HK1: variants seen among roughly 807,000 people sequenced by gnomAD.
The protein encoded by HK1 is hexokinase 1, also known as hexokinase-1.
In HK1, 28 loss-of-function variants were observed where a neutral mutation model predicts 91.6. The ratio of observed to expected loss-of-function variants is 0.31; its 90% CI spans 0.23 to 0.42. HK1 has a LOEUF of 0.42. HK1 is among the 10% of genes least tolerant of loss of function. The pLI is 1.00. For synonymous variants in HK1, 430 were observed against 468.1 expected (o/e 0.92, Z 1.05); for missense variants, 770 against 1,219.8 (o/e 0.63, Z 5.49).
upstream of HK1, chr10:69,315,802 T>G: frequency 2.7e-6 from 2 of 748,696 alleles, no homozygotes; most frequent in Non-Finnish European, 4.9e-6. Context: ...GCATGAGGGG[T>G]TGGGGGTGGG....
intron 4 of HK1, chr10:69,300,620 G>T: frequency 4.2e-6 from 3 of 719,870 alleles, no homozygotes; most frequent in Non-Finnish European, 5.1e-6. Context: ...TGTTTAGACT[G>T]CCTGTGAGGT....
At chr10:69,302,193 G>A (rs1845909561) in intron 5 of HK1, among the ~76,000 whole-genome samples, 1 of 151,272 alleles carries the variant, frequency 6.6e-6, no homozygotes, top group Non-Finnish European at 1.5e-5. Context: ...GTTGCGGTGA[G>A]CTGAGATCAC....
rs149940933 is a variant in HK1 at position 69,288,673 on chromosome 10, G to A, written c.-212G>A. ...CTTTGAACTTGGCCTTTCTCTAGGC[G>A]TTCAAGACCCAGCTGTTGAGAGTAG... On this transcript the variant is annotated splice_region_variant and 5_prime_UTR_variant, in exon 3 of 22. Coordinates refer to the HK1 transcript ENST00000360289. 4.7e-4 allele frequency: 699 copies of A among 1,486,612 alleles called. 3 individuals are homozygous for A. In the African/African-American group the frequency reaches 7.8e-3, roughly 17 times the overall value. 92.1% of individuals were successfully genotyped at this position (1,486,612 alleles called of 1,614,324 possible). A position where few individuals can be genotyped will look rare whatever the true frequency, so the allele number is the denominator to read the frequency against.
intron 1 of HK1, chr10:69,338,763 T>C (rs1269166409): frequency 1.7e-6 from 2 of 1,156,692 alleles, no homozygotes; most frequent in Non-Finnish European, 1.1e-6. Context: ...GTGTGAGAGA[T>C]TGTGTATGTG....
At chr10:69,298,424 G>A (rs181846556) in intron 4 of HK1, among the ~76,000 whole-genome samples, 29 of 151,724 alleles carry the variant, frequency 1.9e-4, no homozygotes, top group Non-Finnish European at 3.2e-4. Context: ...CCAGGGTCTT[G>A]AGAACATCCT....
At chr10:69,345,821 T>C (rs533295009) in intron 2 of HK1, among the ~76,000 whole-genome samples, 1 of 152,316 alleles carries the variant, frequency 6.6e-6, no homozygotes, top group African/African-American at 2.4e-5. Context: ...CCAAGTGCAG[T>C]AGAAATCCAG....
upstream of HK1, among the ~76,000 whole-genome samples, chr10:69,315,029 C>A (rs181776918): frequency 1.9e-3 from 296 of 152,318 alleles, 1 homozygote; most frequent in Non-Finnish European, 3.3e-3. Context: ...CGAGACCAGC[C>A]TGGGCAACAT....
rs189629381 is a variant in HK1 at position 69,367,162 on chromosome 10, G to A, written c.496-1374G>A. Among the ~76,000 whole-genome samples, 28 of 152,300 alleles carry A rather than the reference G, an allele frequency of 1.8e-4. 1 individual carries two copies. The highest frequency in any genetic ancestry group is 6.5e-4 in the African/African-American group (27 of 41,548). On this transcript the variant is annotated intron_variant, in intron 4 of 17. Transcript: ENST00000359426. ...TGCCCAAGAGGGGGCATTGTGAACA[G>A]AGAAGGAGCCAGAGGTGGGGGGTGT... is the stretch of plus-strand genomic sequence containing the variant.
chr10:69,365,724 A>G (rs779863883), intron 4 of HK1, among the ~76,000 whole-genome samples: 12 of 152,198 alleles, frequency 7.9e-5, no homozygotes, highest in Non-Finnish European at 1.3e-4. Flanking sequence ...GTGCGTTAAC[A>G]TGTGCCTGTA....
chr10:69,296,162 C>T (rs891100105), intron 4 of HK1: 3 of 190,074 alleles, frequency 1.6e-5, no homozygotes, highest in South Asian at 1.1e-4. Flanking sequence ...GAGTTTCCTG[C>T]GCTGTTTGTG....
At position 69,369,267 on chromosome 10, in the gene HK1, A is replaced by G; in HGVS notation, c.622A>G (p.Asn208Asp). 6.2e-7 allele frequency: 1 copy of G among 1,614,208 alleles called. No homozygotes were observed. Among genetic ancestry groups the G allele is most frequent in the Middle Eastern group, 1.6e-4 (1 of 6,062 alleles). ...DYDANIVAVV[N>D]DTVGTMMTCG... ...TGATGCCAACATCGTAGCTGTGGTG[A>G]ATGACACAGTGGGCACCATGATGAC... Residue 208 changes from asparagine (N) to aspartate (D), a missense_variant, in exon 6 of 18, where the codon AAT becomes GAT. Asn to Asp is a conservative substitution (Grantham distance 23). Around this residue, in one of 7 missense-constraint regions of HK1, gnomAD observed 449 missense variants for 665.1 expected, o/e 0.68. Transcript: ENST00000359426. This position sits in a 1 kb window ranked among gnomAD's most constrained non-coding sequence, Gnocchi z 4.4.
chr10:69,395,115 C>A lies in HK1; in HGVS notation c.2375+10C>A. The A allele has an allele frequency of 2.5e-6, 4 of 1,613,000 alleles. No homozygotes were observed. The highest frequency in any genetic ancestry group is 3.4e-6 in the Non-Finnish European group (4 of 1,179,472). On this transcript the variant is annotated intron_variant, in intron 16 of 17. Transcript: ENST00000359426. ...TCTCTCAGATCGAGAGGTGAGTGGG[C>A]AGTGTCTTCCCTGCCAGCGCCCACC... is the stretch of plus-strand genomic sequence containing the variant.
intron 7 of HK1, among the ~76,000 whole-genome samples, chr10:69,374,358 T>C (rs1260670664): frequency 6.6e-6 from 1 of 152,130 alleles, no homozygotes; most frequent in Non-Finnish European, 1.5e-5. Context: ...AGCAGGCAGA[T>C]TGGTTGGAAC....
intron 2 of HK1, among the ~76,000 whole-genome samples, chr10:69,349,258 G>C (rs1848722102): frequency 6.6e-6 from 1 of 152,222 alleles, no homozygotes; most frequent in Admixed American, 6.5e-5. Flanking sequence ...CCTTGGAGAA[G>C]CCACTTAACT....
At chr10:69,345,111 C>T (rs1848483236) in intron 2 of HK1, among the ~76,000 whole-genome samples, 2 of 152,126 alleles carry the variant, frequency 1.3e-5, no homozygotes, top group Admixed American at 1.3e-4. Flanking sequence ...AGGCTGGTTG[C>T]AGCAGGAAAA....
intron 2 of HK1, among the ~76,000 whole-genome samples, chr10:69,345,552 G>A (rs1414217564): frequency 6.6e-6 from 1 of 152,126 alleles, no homozygotes; most frequent in Non-Finnish European, 1.5e-5. Context: ...AAGGAGCGGG[G>A]AGGGGAGGGG....
intron 9 of HK1, among the ~76,000 whole-genome samples, chr10:69,381,503 G>T (rs1839383719): frequency 6.7e-6 from 1 of 149,476 alleles, no homozygotes; most frequent in South Asian, 2.1e-4. Context: ...AATTTTTTTA[G>T]ATTGTGGTAA....
chr10:69,290,488 C>T (rs10400052), intron 3 of HK1, among the ~76,000 whole-genome samples: 2,765 of 152,046 alleles, frequency 0.018, 79 homozygotes, highest in African/African-American at 0.063. Flanking sequence ...CAGGGTTTTT[C>T]GTTTGTTTGT....
rs1025820473 is a variant in HK1, at chr10:69,298,223, GA to G, written c.-66-2537del. Among the ~76,000 whole-genome samples, 15 of 150,116 alleles carry G rather than the reference GA, an allele frequency of 1.0e-4. No homozygotes were observed. The South Asian group carries it at 2.7e-3, about 27-fold the overall frequency. ...AGAAACTCCATCTCAAGGAAAAAAA[GA>G]AAAAAAAAGAATTGCTTGGTTGAAG... On this transcript the variant is annotated intron_variant, in intron 4 of 21. Coordinates refer to the HK1 transcript ENST00000360289.
Sources: gnomAD v4.1 joint callset for allele counts (sites outside exome capture counted in the v4.1 genomes callset) on GRCh38, gnomAD v4.1.1 for gene constraint, gnomAD v4.1.1 regional missense constraint, Gnocchi (gnomAD v3.1) non-coding constraint, MANE v1.5 for transcripts, NCBI Gene and HGNC (gene_info 2026-07-23, HGNC 2026-07-21) for gene names.